Variants in KCNH1 observed in about 807,000 individuals in gnomAD.
The protein encoded by KCNH1 is voltage-gated delayed rectifier potassium channel KCNH1.
Under a neutral mutation model 69.2 loss-of-function variants are expected in KCNH1, and 27 were observed. That is an observed-to-expected ratio of 0.39 (90% CI 0.29 to 0.54). KCNH1 has a LOEUF of 0.54. KCNH1 is among the 20% of genes least tolerant of loss of function. KCNH1 has a pLI of 0.68. For synonymous variants in KCNH1, 456 were observed against 487.7 expected, an observed-to-expected ratio of 0.93 and a Z score of 0.86; for missense variants, 798 against 1,261.6, an observed-to-expected ratio of 0.63 and a Z score of 5.57.
chr1:211,043,475 C>G (rs913989211), intron 5 of KCNH1, among the ~76,000 whole-genome samples: 3 of 151,204 alleles, frequency 2.0e-5, no homozygotes, highest in African/African-American at 4.9e-5. Context: ...AAATTACCAA[C>G]AAAAAAAAAT....
At chr1:210,786,477 G>A (rs1220889132) in intron 9 of KCNH1, among the ~76,000 whole-genome samples, 3 of 151,678 alleles carry the variant, frequency 2.0e-5, no homozygotes, top group Non-Finnish European at 2.9e-5. Context: ...CCTCTCTCCT[G>A]GTCTCTCCTC....
chr1:211,023,545 A>G (rs1002619854), intron 5 of KCNH1, among the ~76,000 whole-genome samples: 6 of 151,794 alleles, frequency 4.0e-5, no homozygotes, highest in Admixed American at 2.0e-4. Context: ...AAATGAAATA[A>G]GCCAGGCACA....
intron 6 of KCNH1, among the ~76,000 whole-genome samples, chr1:210,945,531 C>T (rs868197467): frequency 6.6e-6 from 1 of 152,218 alleles, no homozygotes; most frequent in Non-Finnish European, 1.5e-5. Context: ...GGAACAGTTA[C>T]AATAAATGGG....
chr1:210,952,873 A>C (rs746258909), intron 6 of KCNH1, among the ~76,000 whole-genome samples: 2 of 152,216 alleles, frequency 1.3e-5, no homozygotes, highest in Admixed American at 1.3e-4. Context: ...TGTGCATTAC[A>C]TAAGCTAGGC....
intron 7 of KCNH1, among the ~76,000 whole-genome samples, chr1:210,856,749 G>A (rs931289022): frequency 2.8e-5 from 4 of 141,898 alleles, no homozygotes; most frequent in East Asian, 2.1e-4. Flanking sequence ...TGGAATCACC[G>A]GTAGAGGAGG....
intron 6 of KCNH1, among the ~76,000 whole-genome samples, chr1:211,003,779 A>T (rs75985513): frequency 6.6e-6 from 1 of 152,244 alleles, no homozygotes; most frequent in Non-Finnish European, 1.5e-5. Context: ...CTGATGAACT[A>T]TGGAAAAATA....
At chr1:210,725,750 C>T (rs1305467884) in intron 10 of KCNH1, among the ~76,000 whole-genome samples, 1 of 152,164 alleles carries the variant, frequency 6.6e-6, no homozygotes, top group African/African-American at 2.4e-5. Flanking sequence ...CCCAGTCCCC[C>T]GTGCTGAGCC....
At chr1:211,014,159 C>T (rs1432658208) in intron 6 of KCNH1, among the ~76,000 whole-genome samples, 1 of 152,168 alleles carries the variant, frequency 6.6e-6, no homozygotes, top group Non-Finnish European at 1.5e-5. Flanking sequence ...CCCTTTTCCC[C>T]TTTGCATTTC....
At chr1:210,882,698 TAAG>T (rs1441227458) in intron 7 of KCNH1, among the ~76,000 whole-genome samples, 1 of 151,948 alleles carries the variant, frequency 6.6e-6, no homozygotes, top group Non-Finnish European at 1.5e-5. Flanking sequence ...AGCACAAACA[TAAG>T]GAGGATGAGG....
At chr1:210,763,109 T>C (rs1040423406) in intron 10 of KCNH1, among the ~76,000 whole-genome samples, 4 of 151,750 alleles carry the variant, frequency 2.6e-5, no homozygotes, top group Admixed American at 1.3e-4. Flanking sequence ...ATAAACAGAA[T>C]GAAAAATAAA....
intron 10 of KCNH1, among the ~76,000 whole-genome samples, chr1:210,769,160 CAG>C (rs1558461975): frequency 1.3e-5 from 2 of 152,150 alleles, no homozygotes; most frequent in African/African-American, 2.4e-5. Context: ...TATGATGACT[CAG>C]GGGGGAAGTG....
chr1:210,714,666 G>A (rs1682176485), intron 10 of KCNH1, among the ~76,000 whole-genome samples: 1 of 152,160 alleles, frequency 6.6e-6, no homozygotes, highest in Admixed American at 6.5e-5. Context: ...CAGGCATTGT[G>A]CTATTGCTGG....
chr1:210,801,588 G>A (rs919350278), intron 8 of KCNH1, among the ~76,000 whole-genome samples: 1 of 152,224 alleles, frequency 6.6e-6, no homozygotes, highest in African/African-American at 2.4e-5. Flanking sequence ...TGCTGACGGT[G>A]CTGTCTCCCA....
At chr1:211,104,068 A>C (rs1488322677) in intron 2 of KCNH1, among the ~76,000 whole-genome samples, 1 of 152,260 alleles carries the variant, frequency 6.6e-6, no homozygotes, top group Non-Finnish European at 1.5e-5. Flanking sequence ...CAGAGGTGAC[A>C]GTCAGATTAA....
At chr1:211,086,805 G>A (rs1200560887) in intron 4 of KCNH1, among the ~76,000 whole-genome samples, 1 of 152,158 alleles carries the variant, frequency 6.6e-6, no homozygotes, top group Non-Finnish European at 1.5e-5. Context: ...AAAAGACAGA[G>A]GCCAGCCTTG....
intron 7 of KCNH1, chr1:210,861,744 C>T (rs1685982721): frequency 3.9e-6 from 3 of 774,354 alleles, no homozygotes. Flanking sequence ...TAAAATGATC[C>T]TTTAGAACTG....
At chr1:210,986,583 C>A (rs1278467934) in intron 6 of KCNH1, among the ~76,000 whole-genome samples, 3 of 152,134 alleles carry the variant, frequency 2.0e-5, no homozygotes, top group Non-Finnish European at 2.9e-5. Context: ...GTTGAAAATT[C>A]TTTTCTTTAA....
chr1:211,031,466 C>T (rs549337595), intron 5 of KCNH1, among the ~76,000 whole-genome samples: 4 of 152,126 alleles, frequency 2.6e-5, no homozygotes, highest in East Asian at 1.9e-4. Context: ...ACCAATATCC[C>T]TGATGAACAT....
At chr1:210,903,423 G>T (rs750005352) in intron 7 of KCNH1, among the ~76,000 whole-genome samples, 4 of 152,086 alleles carry the variant, frequency 2.6e-5, no homozygotes, top group Non-Finnish European at 5.9e-5. Flanking sequence ...CTTGGGAAGG[G>T]CTCATGGCCT....
Sources: allele counts gnomAD v4.1 joint callset (sites outside exome capture counted in the v4.1 genomes callset), GRCh38; gene constraint gnomAD v4.1.1; transcripts MANE v1.5; gene names NCBI Gene and HGNC (gene_info 2026-07-23, HGNC 2026-07-21).